Variants in FAH observed in about 807,000 individuals in gnomAD.
The protein encoded by FAH is fumarylacetoacetase.
A neutral mutation model predicts 55.8 loss-of-function variants in FAH; 47 were observed. The ratio of observed to expected loss-of-function variants is 0.84; its 90% confidence interval spans 0.67 to 1.07. FAH has a LOEUF of 1.07. FAH is among the 50% of genes least tolerant of loss of function. FAH has a pLI of 0.00. For missense variants in FAH, 495 were observed against 545.9 expected (o/e 0.91, Z 0.93); for synonymous variants, 199 against 207.7 (o/e 0.96, Z 0.36).
chr15:80,178,989 C>A lies in FAH; in HGVS notation c.961-1135C>A, dbSNP rs186513689. On this transcript the variant is annotated intron_variant, in intron 11 of 13. Transcript: ENST00000561421. ...CAGAGTTACTGTGAACATTTTAGTA[C>A]ACACCTTTTGGTGCACATATGTGCA... Among the ~76,000 whole-genome samples the A allele has an allele frequency of 4.5e-3, 683 of 152,320 alleles. 5 individuals carry two copies. Among genetic ancestry groups the A allele is most frequent in the African/African-American group, 0.016 (649 of 41,566 alleles).
intron 10 of FAH, among the ~76,000 whole-genome samples, chr15:80,176,997 C>G (rs928516943): frequency 6.6e-6 from 1 of 152,192 alleles, no homozygotes; most frequent in East Asian, 1.9e-4. Flanking sequence ...GAGGAGCTTT[C>G]TACTTATTAG....
chr15:80,174,001 G>C (rs956609236), intron 9 of FAH, among the ~76,000 whole-genome samples: 1 of 152,142 alleles, frequency 6.6e-6, no homozygotes, highest in Non-Finnish European at 1.5e-5. Context: ...TGCCTCTGGG[G>C]TCATCTCATG....
chr15:80,153,288 T>G (rs576624913), intron 1 of FAH, among the ~76,000 whole-genome samples, 153 bp downstream of exon 1: 1 of 152,252 alleles, frequency 6.6e-6, no homozygotes, highest in African/African-American at 2.4e-5. Flanking sequence ...AGAGTGCCTA[T>G]GGGCTCGAGT....
At chr15:80,153,979 T>G (rs905470250) in intron 1 of FAH, among the ~76,000 whole-genome samples, 1 of 152,172 alleles carries the variant, frequency 6.6e-6, no homozygotes, top group Admixed American at 6.5e-5. Context: ...GCAGTTGGCT[T>G]CTTCTTGGAA....
chr15:80,179,562 C>A (rs574218393), intron 11 of FAH, among the ~76,000 whole-genome samples: 1 of 148,804 alleles, frequency 6.7e-6, no homozygotes, highest in East Asian at 2.0e-4. Context: ...GTGCCTTGGC[C>A]CCCTCTGCCC....
rs188336784 is a variant in FAH, at chr15:80,174,704, G to A, written c.838-312G>A. ...CAGGCCAGGCTTTGTTCTCCATCTC[G>A]GCCTGTCTGCTGCCCACCTTCCCTT... On this transcript the variant is annotated intron_variant, in intron 9 of 13. Transcript: ENST00000561421. Among the ~76,000 whole-genome samples, 224 of 152,232 alleles carry A rather than the reference G, an allele frequency of 1.5e-3. 1 individual carries two copies. The highest frequency in any genetic ancestry group is 5.0e-3 in the African/African-American group (206 of 41,534).
At chr15:80,184,713 G>A (rs1056540030) in intron 13 of FAH, among the ~76,000 whole-genome samples, 6 of 152,194 alleles carry the variant, frequency 3.9e-5, no homozygotes, top group Non-Finnish European at 7.4e-5. Context: ...TTGTCAGCAT[G>A]TGGGTCACGG....
intron 5 of FAH, chr15:80,162,681 C>A (rs938912000): frequency 2.7e-6 from 1 of 373,020 alleles, no homozygotes; most frequent in Non-Finnish European, 5.1e-6. Flanking sequence ...TCCATACTTA[C>A]ATTTTCTGAT....
chr15:80,176,752 C>G (rs139565675), intron 10 of FAH, among the ~76,000 whole-genome samples: 3 of 152,236 alleles, frequency 2.0e-5, no homozygotes, highest in Admixed American at 6.5e-5. Flanking sequence ...TGAACCTGCC[C>G]GCCCGGGGGA....
chr15:80,174,196 T>C (rs953126635), intron 9 of FAH, among the ~76,000 whole-genome samples: 23 of 152,276 alleles, frequency 1.5e-4, no homozygotes, highest in African/African-American at 5.3e-4. Context: ...CGGCCTTGTC[T>C]AGTCTCCCTA....
At position 80,178,061 on chromosome 15, in the gene FAH, G is replaced by A. The variant is rs555262986; in HGVS notation, c.960+478G>A. On this transcript the variant is annotated intron_variant, in intron 11 of 13. Transcript: ENST00000561421. ...CAAAAAGTAAAAAAATTAGCCGGGC[G>A]TGGTAGCATGCACCTGTGGTCCCGG... Among the ~76,000 whole-genome samples the A allele has an allele frequency of 1.1e-4, 16 of 152,180 alleles. No individual in the cohort carries two copies. The South Asian group carries it at 3.1e-3, about 30-fold the overall frequency.
At chr15:80,182,678 A>G (rs60797290) in intron 13 of FAH, among the ~76,000 whole-genome samples, 6,440 of 152,238 alleles carry the variant, frequency 0.042, 450 homozygotes, top group African/African-American at 0.15. Context: ...CCCATTTTGC[A>G]GAGTCGAAAA....
chr15:80,168,328 T>A lies in FAH; in HGVS notation c.606+12T>A. The A allele has an allele frequency of 6.2e-7, 1 of 1,612,006 alleles. No individual in the cohort carries two copies. The highest frequency in any genetic ancestry group is 8.5e-7 in the Non-Finnish European group (1 of 1,179,926). ...TGGAGCTGGAAATGGTAAGTGAGCT[T>A]GATGTTTTATTGCCATGGGATCTAT... On this transcript the variant is annotated intron_variant, in intron 7 of 13. Transcript: ENST00000561421.
intron 10 of FAH, among the ~76,000 whole-genome samples, chr15:80,176,848 G>T (rs1228380501): frequency 6.6e-6 from 1 of 152,230 alleles, no homozygotes; most frequent in Non-Finnish European, 1.5e-5. Flanking sequence ...GATGTTCTGA[G>T]TTGGGATCTG....
rs145174533 is a variant in FAH, at chr15:80,179,711, C to A, written c.961-413C>A. On this transcript the variant is annotated intron_variant, in intron 11 of 13. Coordinates refer to ENST00000561421, the MANE Select transcript of FAH (RefSeq NM_000137.4). ...GAGCGAGGGCTTTGCTCACGAGAAG[C>A]CTCTGCTGTGGTGTGGACTTAGATT... Among the ~76,000 whole-genome samples, 8 of 152,286 alleles carry A rather than the reference C, an allele frequency of 5.3e-5. No homozygotes were observed. In the East Asian group the frequency reaches 1.5e-3, roughly 29 times the overall value.
At chr15:80,177,342 G>C (rs564981116) in intron 10 of FAH, 195 bp from the exon 11 acceptor site, 133 of 618,544 alleles carry the variant, frequency 2.2e-4, no homozygotes, top group Middle Eastern at 1.7e-3. Context: ...GGAGGAGGAA[G>C]TGATGACTTG....
At position 80,165,651 on chromosome 15, in the gene FAH, C is replaced by G. The variant is rs1292766097; in HGVS notation, c.456-2401C>G. ...TGGAGGTTGCAGTGAGCTGAGATCA[C>G]ACCACTGCACTCCAGCCTGGGCGAC... On this transcript the variant is annotated intron_variant, in intron 5 of 13. Coordinates refer to ENST00000561421, the MANE Select transcript of FAH (RefSeq NM_000137.4). 2.0e-5 allele frequency among the ~76,000 whole-genome samples: 3 copies of G among 151,088 alleles called. No individual in the cohort carries two copies. In the East Asian group the frequency reaches 5.8e-4, roughly 29 times the overall value.
chr15:80,179,601 G>A (rs888968194), intron 11 of FAH, among the ~76,000 whole-genome samples: 3 of 152,118 alleles, frequency 2.0e-5, no homozygotes, highest in Non-Finnish European at 4.4e-5. Context: ...GCTCTCCCTC[G>A]CTCCTTGGCC....
At chr15:80,164,154 C>A (rs953890419) in intron 5 of FAH, among the ~76,000 whole-genome samples, 1 of 152,218 alleles carries the variant, frequency 6.6e-6, no homozygotes, top group Non-Finnish European at 1.5e-5. Flanking sequence ...GGCCAGAAGT[C>A]AAAAATCAGT....
Sources: allele counts gnomAD v4.1 joint callset (sites outside exome capture counted in the v4.1 genomes callset), GRCh38; gene constraint gnomAD v4.1.1; transcripts MANE v1.5; gene names NCBI Gene and HGNC (gene_info 2026-07-23, HGNC 2026-07-21).